NFKB1: variants seen among roughly 807,000 people sequenced by gnomAD.
NFKB1 encodes the protein nuclear factor NF-kappa-B p105 subunit.
In NFKB1, 9 loss-of-function variants were observed where a neutral mutation model predicts 105.1. The observed-to-expected ratio is 0.09, with a 90% CI of 0.05 to 0.15. NFKB1 has a LOEUF of 0.15. Ranked by LOEUF, NFKB1 falls within the 10% of genes least tolerant of loss-of-function variation. NFKB1 has a pLI of 1.00. For synonymous variants in NFKB1, 440 were observed against 442.2 expected (o/e 1.00, Z 0.06); for missense variants, 830 against 1,203.7 (o/e 0.69, Z 4.59).
chr4:102,596,040 A>G, intron 13 of NFKB1, 98 bp from the exon 14 acceptor site: 2 of 721,534 alleles, frequency 2.8e-6, no homozygotes, highest in East Asian at 2.7e-5. Flanking sequence ...TTTTGCAGCA[A>G]ACTTGTCTCT....
intron 5 of NFKB1, among the ~76,000 whole-genome samples, chr4:102,554,616 T>C (rs1722846479): frequency 1.3e-5 from 2 of 152,322 alleles, no homozygotes; most frequent in South Asian, 4.1e-4. Context: ...CTCAGAAGCA[T>C]AAACTGACAC....
chr4:102,531,989 A>G (rs1213950499), intron 3 of NFKB1, among the ~76,000 whole-genome samples: 1 of 152,228 alleles, frequency 6.6e-6, no homozygotes, highest in Non-Finnish European at 1.5e-5. Flanking sequence ...ACATTGTCAT[A>G]CAGGCTGTAT....
intron 5 of NFKB1, among the ~76,000 whole-genome samples, chr4:102,565,678 TCTCC>T (rs1033927089): frequency 6.6e-6 from 1 of 151,806 alleles, no homozygotes; most frequent in Non-Finnish European, 1.5e-5. Context: ...TCCCTCCCTC[TCTCC>T]CTCCCTCCCT....
intron 1 of NFKB1, among the ~76,000 whole-genome samples, chr4:102,504,992 G>T (rs2149092759): frequency 6.6e-6 from 1 of 152,206 alleles, no homozygotes; most frequent in East Asian, 1.9e-4. Context: ...TTAGTATCCA[G>T]TGCCTCACTT....
At position 102,579,032 on chromosome 4, in the gene NFKB1, T is replaced by C. The variant is rs745756207; in HGVS notation, c.723T>C (p.Tyr241=). Residue 241 remains tyrosine (Y), a synonymous_variant, in exon 8 of 24, where the codon TAT becomes TAC. Transcript: ENST00000226574. ...RLEPVVSDAI[Y]DSKAPNASNL... ...AACCCGTGGTATCAGACGCCATCTA[T>C]GACAGTAGTGAGTACTTCACTTCCA... is the stretch of plus-strand genomic sequence containing the variant. The C allele has an allele frequency of 1.2e-4, 193 of 1,613,728 alleles. 1 individual carries two copies. In the Middle Eastern group the frequency reaches 2.2e-3, roughly 18 times the overall value.
At chr4:102,598,914 C>T (rs1726884373) in intron 15 of NFKB1, among the ~76,000 whole-genome samples, 1 of 152,176 alleles carries the variant, frequency 6.6e-6, no homozygotes, top group South Asian at 2.1e-4. Context: ...AGAGAGGCCA[C>T]AGATTTGGGA....
At chr4:102,516,966 G>A (rs1489705019) in intron 1 of NFKB1, among the ~76,000 whole-genome samples, 1 of 152,108 alleles carries the variant, frequency 6.6e-6, no homozygotes, top group Non-Finnish European at 1.5e-5. Context: ...TTCCACCCTG[G>A]ATTATTACAA....
At chr4:102,581,847 G>A (rs906882213) in intron 9 of NFKB1, among the ~76,000 whole-genome samples, 1 of 152,156 alleles carries the variant, frequency 6.6e-6, no homozygotes, top group Non-Finnish European at 1.5e-5. Context: ...GAAATGTCTT[G>A]TACTTGGCTT....
At chr4:102,566,925 A>T in intron 5 of NFKB1, 62 bp from the exon 6 acceptor site, 3 of 1,567,402 alleles carry the variant, frequency 1.9e-6, no homozygotes, top group Middle Eastern at 1.7e-4. Context: ...CTTATCATAA[A>T]CATGTTTCCA....
At position 102,611,394 on chromosome 4, in the gene NFKB1, G is replaced by A. The variant is rs992140211; in HGVS notation, c.2353-650G>A. On this transcript the variant is annotated intron_variant, in intron 20 of 23. Coordinates refer to ENST00000226574, the MANE Select transcript of NFKB1 (RefSeq NM_003998.4). The stretch of plus-strand genomic sequence containing the variant: ...ATGTTAGCACCTCATTTCCCCAGAA[G>A]GCCTTGCCACAGAACACAAAAAGAT... 4.6e-5 allele frequency among the ~76,000 whole-genome samples: 7 copies of A among 152,078 alleles called. No homozygotes were observed. In the South Asian group the frequency reaches 1.2e-3, roughly 27 times the overall value.
At chr4:102,580,111 T>C (rs1477299806) in intron 8 of NFKB1, among the ~76,000 whole-genome samples, 2 of 152,196 alleles carry the variant, frequency 1.3e-5, no homozygotes, top group African/African-American at 4.8e-5. Context: ...AGTAAGTAGT[T>C]TAAGAAAACT....
intron 5 of NFKB1, among the ~76,000 whole-genome samples, chr4:102,540,957 T>C (rs1741962035): frequency 6.6e-6 from 1 of 152,184 alleles, no homozygotes; most frequent in Non-Finnish European, 1.5e-5. Flanking sequence ...AAATTGTGCA[T>C]GTCTTTTCTG....
At chr4:102,573,886 C>CT (rs893678970) in intron 6 of NFKB1, among the ~76,000 whole-genome samples, 48 of 149,656 alleles carry the variant, frequency 3.2e-4, no homozygotes, top group East Asian at 2.0e-4. Context: ...TGTTTGGGGT[C>CT]TTTTTTTTTC....
In NFKB1 at chr4:102,612,079, A is replaced by G. The variant is rs771274971; in HGVS notation, c.2388A>G (p.Pro796=). The change falls in exon 21 of 24, where the codon CCA becomes CCG. Residue 796 remains proline, a synonymous_variant. Transcript: ENST00000226574. ...TATTAAATGGGAAACCATATGAGCC[A>G]GAGTTTACATCTGATGATTTACTAG... is the stretch of plus-strand genomic sequence containing the variant. ...FDILNGKPYE[P]EFTSDDLLAQ... The G allele has an allele frequency of 5.6e-6, 9 of 1,614,160 alleles. No individual in the cohort carries two copies. The highest frequency in any genetic ancestry group is 6.8e-6 in the Non-Finnish European group (8 of 1,179,990).
chr4:102,510,212 C>T lies in NFKB1; in HGVS notation c.-8+8424C>T, dbSNP rs180985719. Among the ~76,000 whole-genome samples, 17 of 152,282 alleles carry T rather than the reference C, an allele frequency of 1.1e-4. No homozygotes were observed. In the South Asian group the frequency reaches 3.3e-3, roughly 30 times the overall value. Reference sequence around the variant, plus strand: ...CCATAAAGAGTTATGTGCCCCCATTCTGTGTTCTCCTGAATTCCTGTGGGT... The same window carrying T: ...CCATAAAGAGTTATGTGCCCCCATTTTGTGTTCTCCTGAATTCCTGTGGGT... On this transcript the variant is annotated intron_variant, in intron 1 of 23. Transcript: ENST00000226574.
Position 102,606,693 on chromosome 4 carries a change from G to A in NFKB1, c.1950G>A (p.Gly650=). The A allele has an allele frequency of 6.2e-7, 1 of 1,613,414 alleles. No homozygotes were observed. The highest frequency in any genetic ancestry group is 8.5e-7 in the Non-Finnish European group (1 of 1,179,560). ...KAALLLDHPN[G]DGLNAIHLAM... ...CACTACTTCTTGACCACCCCAACGGGGACGGTAAGAGACAATCACACATCA... is the reference window on the plus strand; with the variant it reads ...CACTACTTCTTGACCACCCCAACGGAGACGGTAAGAGACAATCACACATCA... Residue 650 remains glycine (G), a synonymous_variant, in exon 17 of 24, where the codon GGG becomes GGA. Transcript: ENST00000226574.
intron 5 of NFKB1, among the ~76,000 whole-genome samples, chr4:102,560,336 A>G (rs1464064438): frequency 2.0e-5 from 3 of 152,242 alleles, no homozygotes; most frequent in Non-Finnish European, 4.4e-5. Flanking sequence ...GGGTCAAAGT[A>G]TGAGGGAAAA....
intron 5 of NFKB1, among the ~76,000 whole-genome samples, chr4:102,538,691 T>C (rs1412003315): frequency 6.6e-6 from 1 of 152,212 alleles, no homozygotes. Flanking sequence ...TTTCATAATA[T>C]GCTATGTTTC....
chr4:102,537,560 T>C (rs1741721982), intron 4 of NFKB1: 1 of 205,904 alleles, frequency 4.9e-6, no homozygotes, highest in Non-Finnish European at 9.8e-6. Context: ...ACATGTTAAG[T>C]CTAAAGCCTA....
Sources: allele counts gnomAD v4.1 joint callset (sites outside exome capture counted in the v4.1 genomes callset), GRCh38; gene constraint gnomAD v4.1.1; transcripts MANE v1.5; gene names NCBI Gene and HGNC (gene_info 2026-07-23, HGNC 2026-07-21).